Variants in CACNG4 observed in about 807,000 individuals in gnomAD.
The protein encoded by CACNG4 is calcium voltage-gated channel auxiliary subunit gamma 4, also known as voltage-dependent calcium channel gamma-4 subunit.
In CACNG4, 8 loss-of-function variants were observed where a neutral mutation model predicts 22.9. The ratio of observed to expected loss-of-function variants is 0.35; its 90% CI spans 0.21 to 0.63. CACNG4 has a LOEUF of 0.63. Among genes scored for constraint, CACNG4 ranks in the 30% least tolerant of loss-of-function variants. The pLI is 0.72. For missense variants in CACNG4, 357 were observed against 455.4 expected, an observed-to-expected ratio of 0.78 and a Z score of 1.97; for synonymous variants, 188 against 191.9, an observed-to-expected ratio of 0.98 and a Z score of 0.17.
At chr17:66,982,766 G>A (rs1427564254) in intron 1 of CACNG4, among the ~76,000 whole-genome samples, 1 of 152,190 alleles carries the variant, frequency 6.6e-6, no homozygotes, top group Non-Finnish European at 1.5e-5. Context: ...CTGTTGCCCA[G>A]GCTGGCTTCA....
rs117446081 is a variant in CACNG4, at chr17:66,976,890, G to T, written c.220+11759G>T. Among the ~76,000 whole-genome samples the T allele has an allele frequency of 3.3e-3, 501 of 152,204 alleles. 6 individuals carry two copies. In the East Asian group the frequency reaches 0.068, roughly 21 times the overall value. On this transcript the variant is annotated intron_variant, in intron 1 of 3. Coordinates refer to ENST00000262138, the MANE Select transcript of CACNG4 (RefSeq NM_014405.4). ...CTGTGCTTCCCGCCAGTGTGGTCTC[G>T]CTTGGACAGCACCGCCCCCTCCGTC... is the stretch of plus-strand genomic sequence containing the variant.
At chr17:66,990,239 C>G (rs1346524674) in intron 1 of CACNG4, among the ~76,000 whole-genome samples, 1 of 152,228 alleles carries the variant, frequency 6.6e-6, no homozygotes, top group Non-Finnish European at 1.5e-5. Flanking sequence ...CTCTTGCTAG[C>G]CATCAGCCAG....
intron 3 of CACNG4, among the ~76,000 whole-genome samples, chr17:67,025,425 G>A (rs901320283): frequency 1.3e-5 from 2 of 152,228 alleles, no homozygotes; most frequent in Non-Finnish European, 2.9e-5. Flanking sequence ...AGGTGCCCAC[G>A]GGAATCATGC....
intron 1 of CACNG4, among the ~76,000 whole-genome samples, chr17:66,982,943 A>G (rs768911545): frequency 2.0e-5 from 3 of 152,202 alleles, no homozygotes; most frequent in Non-Finnish European, 2.9e-5. Flanking sequence ...ATCCTCCGCC[A>G]GCCTGTGAGG....
At chr17:67,003,763 A>G (rs944859336) in intron 1 of CACNG4, among the ~76,000 whole-genome samples, 1 of 152,220 alleles carries the variant, frequency 6.6e-6, no homozygotes, top group Admixed American at 6.5e-5. Context: ...ACCTTGCACT[A>G]GAGCAGGCAA....
chr17:67,016,610 C>A (rs923093138), intron 1 of CACNG4, among the ~76,000 whole-genome samples: 2 of 152,146 alleles, frequency 1.3e-5, no homozygotes, highest in Non-Finnish European at 2.9e-5. Context: ...CAACAGGGGG[C>A]GCTTGCAGCC....
chr17:67,018,308 G>A, intron 2 of CACNG4, 36 bp downstream of exon 2: 1 of 1,539,252 alleles, frequency 6.5e-7, no homozygotes. Context: ...CTTTCTGTGG[G>A]GAGGCGGAAG....
At chr17:66,969,710 C>T (rs1198504955) in intron 1 of CACNG4, among the ~76,000 whole-genome samples, 1 of 152,124 alleles carries the variant, frequency 6.6e-6, no homozygotes, top group Non-Finnish European at 1.5e-5. Context: ...CCCAGGTGCC[C>T]ACAGGTGGGA....
chr17:67,009,708 GGGTGGCTTCCTGGTTTATAGAC>G (rs1175993241), intron 1 of CACNG4, among the ~76,000 whole-genome samples: 1 of 152,204 alleles, frequency 6.6e-6, no homozygotes, highest in Non-Finnish European at 1.5e-5. Flanking sequence ...TGTCTGGTGA[GGGTGGCTTCCTGGTTTATAGAC>G]GGTGCCTTCT....
At chr17:67,011,510 G>T (rs1050707313) in intron 1 of CACNG4, among the ~76,000 whole-genome samples, 1 of 152,126 alleles carries the variant, frequency 6.6e-6, no homozygotes, top group Non-Finnish European at 1.5e-5. Flanking sequence ...TCAACAGCCC[G>T]CCTTGCCCTG....
intron 1 of CACNG4, among the ~76,000 whole-genome samples, chr17:66,973,346 A>G (rs1188203066): frequency 6.6e-6 from 1 of 152,104 alleles, no homozygotes; most frequent in Non-Finnish European, 1.5e-5. Flanking sequence ...CTTTATTAAT[A>G]GTAATGCTTT....
chr17:66,971,892 G>A (rs1358933938), intron 1 of CACNG4, among the ~76,000 whole-genome samples: 2 of 152,134 alleles, frequency 1.3e-5, no homozygotes, highest in African/African-American at 2.4e-5. Flanking sequence ...AAGGAAGTAC[G>A]GTGATCTGGT....
intron 1 of CACNG4, among the ~76,000 whole-genome samples, chr17:67,005,456 T>C (rs1246529338): frequency 3.3e-5 from 5 of 152,208 alleles, no homozygotes; most frequent in Non-Finnish European, 5.9e-5. Flanking sequence ...TCTGAATCAC[T>C]GCACAGGTGC....
chr17:67,028,157 C>G (rs1366942310), intron 3 of CACNG4, among the ~76,000 whole-genome samples: 1 of 152,216 alleles, frequency 6.6e-6, no homozygotes, highest in African/African-American at 2.4e-5. Context: ...TGCTGGACCC[C>G]TTAGCAGAAG....
intron 1 of CACNG4, among the ~76,000 whole-genome samples, chr17:67,016,604 A>C (rs1451091942): frequency 6.6e-6 from 1 of 152,156 alleles, no homozygotes; most frequent in Non-Finnish European, 1.5e-5. Flanking sequence ...CTGAGGCAAC[A>C]GGGGGCGCTT....
At chr17:67,013,178 C>G (rs564378448) in intron 1 of CACNG4, among the ~76,000 whole-genome samples, 4 of 152,058 alleles carry the variant, frequency 2.6e-5, no homozygotes, top group Non-Finnish European at 5.9e-5. Context: ...GACCCCAAGG[C>G]ATGACCTTCA....
intron 1 of CACNG4, among the ~76,000 whole-genome samples, chr17:67,014,820 T>G (rs2035487277): frequency 6.6e-6 from 1 of 151,712 alleles, no homozygotes; most frequent in Non-Finnish European, 1.5e-5. Context: ...GCCTGTAGTC[T>G]CAGTTACTTG....
intron 3 of CACNG4, 87 bp downstream of exon 3, chr17:67,025,087 T>G (rs2035556080): frequency 7.6e-7 from 1 of 1,308,818 alleles, no homozygotes; most frequent in African/African-American, 1.5e-5. Flanking sequence ...CCAGGCAGTG[T>G]GCATCCTAGA....
rs140217764 is a variant in CACNG4, at chr17:67,031,226, A to T, written c.*222A>T. The T allele has an allele frequency of 3.0e-3, 1,950 of 647,790 alleles. 27 individuals are homozygous for T. The highest frequency in any genetic ancestry group is 0.028 in the African/African-American group (1,542 of 55,316). The allele number at this position is 647,790 out of a possible 1,614,324, so 40.1% of individuals were successfully genotyped here. A position where few individuals can be genotyped will look rare whatever the true frequency, so the allele number is the denominator to read the frequency against. Reference sequence around the variant, plus strand: ...GAAGGCTGACTTTGTCCCCTCCCCGAAAAAGGGTGTTTTGATGCCTCAGGG... The same window carrying T: ...GAAGGCTGACTTTGTCCCCTCCCCGTAAAAGGGTGTTTTGATGCCTCAGGG... On this transcript the variant is annotated 3_prime_UTR_variant, in exon 4 of 4. Coordinates refer to ENST00000262138, the MANE Select transcript of CACNG4 (RefSeq NM_014405.4). The surrounding 1 kb of genome is among the most constrained non-coding windows in gnomAD (Gnocchi z 4.0).
Sources: allele counts gnomAD v4.1 joint callset (sites outside exome capture counted in the v4.1 genomes callset), GRCh38; gene constraint gnomAD v4.1.1; non-coding constraint Gnocchi (gnomAD v3.1); transcripts MANE v1.5; gene names NCBI Gene and HGNC (gene_info 2026-07-23, HGNC 2026-07-21).